CHN2: variants seen among roughly 807,000 people sequenced by gnomAD.
The protein encoded by CHN2 is chimerin 2, also known as beta-chimaerin.
In CHN2, 35 loss-of-function variants were observed where a neutral mutation model predicts 56.3. That is an observed-to-expected ratio of 0.62 (90% CI 0.47 to 0.82). The LOEUF (loss-of-function observed/expected upper bound fraction) is 0.82. Ranked by LOEUF, CHN2 falls within the 40% of genes least tolerant of loss-of-function variation. The pLI is 0.00. For missense variants in CHN2, 491 were observed against 580.5 expected, an observed-to-expected ratio of 0.85 and a Z score of 1.58; for synonymous variants, 210 against 212.8, an observed-to-expected ratio of 0.99 and a Z score of 0.12.
intron 3 of CHN2, among the ~76,000 whole-genome samples, chr7:29,386,202 T>G (rs1367616958): frequency 6.6e-6 from 1 of 152,186 alleles, no homozygotes; most frequent in Non-Finnish European, 1.5e-5. Flanking sequence ...ACTACAAGAG[T>G]GTAAATTTCA....
chr7:29,484,242 T>C (rs1349166164), intron 7 of CHN2, among the ~76,000 whole-genome samples: 1 of 152,240 alleles, frequency 6.6e-6, no homozygotes, highest in Non-Finnish European at 1.5e-5. Context: ...AAAAAGTAAA[T>C]GGATGACTTA....
intron 1 of CHN2, among the ~76,000 whole-genome samples, chr7:29,207,530 G>A (rs1287115332): frequency 1.3e-5 from 2 of 152,134 alleles, no homozygotes; most frequent in East Asian, 3.8e-4. Flanking sequence ...GCTGGACAAA[G>A]CAATTAGTGC....
intron 2 of CHN2, among the ~76,000 whole-genome samples, chr7:29,182,673 A>G (rs1049859074): frequency 1.7e-4 from 26 of 152,326 alleles, no homozygotes; most frequent in Middle Eastern, 3.4e-3. Context: ...AGTAAACCCA[A>G]TGTCCCTCAA....
Position 29,342,842 on chromosome 7 carries a change from C to T in CHN2, c.50-11783C>T, listed in dbSNP as rs140346952. On this transcript the variant is annotated intron_variant, in intron 1 of 12. Coordinates refer to ENST00000222792, the MANE Select transcript of CHN2 (RefSeq NM_004067.4). ...TACATGTGGCCAGGGGCCGGATACC[C>T]AGCAGGCAGTCAGTTAGTGCTCATT... Among the ~76,000 whole-genome samples, 303 of 152,344 alleles carry T rather than the reference C, an allele frequency of 2.0e-3. 1 individual carries two copies. Among genetic ancestry groups the T allele is most frequent in the African/African-American group, 6.7e-3 (279 of 41,574 alleles).
intron 6 of CHN2, among the ~76,000 whole-genome samples, chr7:29,427,895 T>C (rs892824582): frequency 5.9e-5 from 9 of 152,070 alleles, no homozygotes; most frequent in African/African-American, 2.2e-4. Context: ...GACCTCATGA[T>C]CCACCCGCCT....
rs1412867769 is a variant in CHN2, at chr7:29,194,893, G to A, written c.-49G>A. On this transcript the variant is annotated 5_prime_UTR_variant, in exon 1 of 13. Coordinates refer to ENST00000222792, the MANE Select transcript of CHN2 (RefSeq NM_004067.4). ...GCGGCCGGGCGAGGGCAGCGGCGGC[G>A]GCGTCCGCACCGGGGCTGAGCGAGC... 2 of 1,425,416 alleles carry A rather than the reference G, an allele frequency of 1.4e-6. No homozygotes were observed. Among genetic ancestry groups the A allele is most frequent in the Middle Eastern group, 2.1e-4 (1 of 4,660 alleles). 88.3% of individuals were successfully genotyped at this position (1,425,416 alleles called of 1,614,324 possible). A position where few individuals can be genotyped will look rare whatever the true frequency, so the allele number is the denominator to read the frequency against.
intron 2 of CHN2, among the ~76,000 whole-genome samples, chr7:29,175,959 G>T (rs1340607575): frequency 6.6e-6 from 1 of 152,108 alleles, no homozygotes; most frequent in Non-Finnish European, 1.5e-5. Context: ...GGCCGAGGCG[G>T]GAAGATCACA....
chr7:29,322,219 C>T (rs1326262724), intron 1 of CHN2, among the ~76,000 whole-genome samples: 1 of 152,194 alleles, frequency 6.6e-6, no homozygotes, highest in Non-Finnish European at 1.5e-5. Context: ...CTGTTTGTCT[C>T]CACCAGCAGG....
intron 6 of CHN2, among the ~76,000 whole-genome samples, chr7:29,457,109 C>A (rs1041917527): frequency 1.3e-5 from 2 of 152,192 alleles, no homozygotes; most frequent in Admixed American, 1.3e-4. Flanking sequence ...GGAGCTAGCA[C>A]GGGCGATGGC....
At chr7:29,294,057 G>A (rs1008564887) in intron 1 of CHN2, among the ~76,000 whole-genome samples, 1 of 151,792 alleles carries the variant, frequency 6.6e-6, no homozygotes, top group Non-Finnish European at 1.5e-5. Flanking sequence ...TAGTAGAGAC[G>A]GGGTTTCACC....
At chr7:29,174,833 C>G (rs1327978817) in intron 2 of CHN2, among the ~76,000 whole-genome samples, 1 of 147,994 alleles carries the variant, frequency 6.8e-6, no homozygotes, top group African/African-American at 2.5e-5. Flanking sequence ...GCACTCCAGC[C>G]TGGGCAAAAA....
At chr7:29,234,379 C>T (rs563959109) in intron 1 of CHN2, among the ~76,000 whole-genome samples, 23 of 152,286 alleles carry the variant, frequency 1.5e-4, no homozygotes, top group African/African-American at 5.3e-4. Context: ...GATTCTAAAC[C>T]TTCCTCGATC....
At chr7:29,402,289 A>G (rs560145350) in intron 6 of CHN2, among the ~76,000 whole-genome samples, 1 of 152,350 alleles carries the variant, frequency 6.6e-6, no homozygotes, top group African/African-American at 2.4e-5. Flanking sequence ...ACATCAGTGC[A>G]GCAGCTGGGC....
chr7:29,354,756 C>A, intron 2 of CHN2, 93 bp downstream of exon 2: 3 of 1,129,700 alleles, frequency 2.7e-6, no homozygotes, highest in Non-Finnish European at 4.0e-6. Flanking sequence ...CACAAGCGTT[C>A]CCACCTCACA....
intron 2 of CHN2, among the ~76,000 whole-genome samples, chr7:29,180,950 A>G (rs1797997527): frequency 6.6e-6 from 1 of 152,242 alleles, no homozygotes; most frequent in African/African-American, 2.4e-5. Context: ...AATCACTGGT[A>G]CCCAGTACTT....
intron 1 of CHN2, among the ~76,000 whole-genome samples, chr7:29,203,341 C>T (rs1169209702): frequency 6.6e-6 from 1 of 151,784 alleles, no homozygotes; most frequent in Non-Finnish European, 1.5e-5. Context: ...GTGGCGCATA[C>T]CTGTAATCCC....
chr7:29,268,879 A>G (rs1584921486), intron 1 of CHN2, among the ~76,000 whole-genome samples: 2 of 152,302 alleles, frequency 1.3e-5, no homozygotes, highest in African/African-American at 4.8e-5. Context: ...ATAATTAGAG[A>G]TTCGCTTTTT....
At chr7:29,504,390 G>A (rs1189498554) in intron 9 of CHN2, among the ~76,000 whole-genome samples, 1 of 152,136 alleles carries the variant, frequency 6.6e-6, no homozygotes, top group Non-Finnish European at 1.5e-5. Flanking sequence ...AAGAAAGCCA[G>A]GTTGCTTCCT....
chr7:29,352,350 CGT>C (rs60859228), intron 1 of CHN2, among the ~76,000 whole-genome samples: 58,773 of 149,848 alleles, frequency 0.39, 11,898 homozygotes, highest in Middle Eastern at 0.48. Context: ...TGCAGTCTGT[CGT>C]GTGTGTGTGT....
Sources: allele counts gnomAD v4.1 joint callset (sites outside exome capture counted in the v4.1 genomes callset), GRCh38; gene constraint gnomAD v4.1.1; transcripts MANE v1.5; gene names NCBI Gene and HGNC (gene_info 2026-07-23, HGNC 2026-07-21).